Variants in TCF4 observed in about 807,000 individuals in gnomAD.
TCF4 encodes the protein SL3-3 enhancer factor 2.
TCF4 carries 3 observed loss-of-function variants against 82.1 expected under a neutral mutation model. That is an observed-to-expected ratio of 0.04 (90% CI 0.02 to 0.09). TCF4 has a LOEUF of 0.09. Ranked by LOEUF, TCF4 falls within the 10% of genes least tolerant of loss-of-function variation. The probability of loss-of-function intolerance (pLI) is 1.00; values close to 1 mark genes in which losing one functional copy is unlikely to be tolerated. For synonymous variants in TCF4, 276 were observed against 309.6 expected, an observed-to-expected ratio of 0.89 and a Z score of 1.14; for missense variants, 518 against 852.7, an observed-to-expected ratio of 0.61 and a Z score of 4.89.
At chr18:55,341,132 G>T (rs974711205) in intron 8 of TCF4, among the ~76,000 whole-genome samples, 1 of 152,154 alleles carries the variant, frequency 6.6e-6, no homozygotes, top group Non-Finnish European at 1.5e-5. Flanking sequence ...TGACAACCTT[G>T]CTGTAGAGAG....
At chr18:55,270,103 G>T in intron 10 of TCF4, 140 bp from the exon 11 acceptor site, 2 of 1,086,514 alleles carry the variant, frequency 1.8e-6, no homozygotes, top group Non-Finnish European at 2.7e-6. Flanking sequence ...AATATATCTT[G>T]TTTAGATCTG....
intron 6 of TCF4, among the ~76,000 whole-genome samples, chr18:55,360,609 C>T (rs1317188010): frequency 6.6e-6 from 1 of 152,098 alleles, no homozygotes; most frequent in Non-Finnish European, 1.5e-5. Context: ...CATTGTTACG[C>T]TAAATCAACC....
chr18:55,420,858 G>T (rs1381947489), intron 5 of TCF4, among the ~76,000 whole-genome samples: 1 of 149,952 alleles, frequency 6.7e-6, no homozygotes, highest in Non-Finnish European at 1.5e-5. Context: ...ATTCAGATTT[G>T]GGGGAAAAAA....
chr18:55,345,332 G>A (rs1265940760), intron 8 of TCF4, among the ~76,000 whole-genome samples: 1 of 149,864 alleles, frequency 6.7e-6, no homozygotes, highest in African/African-American at 2.4e-5. Context: ...CTAGAAGTCT[G>A]GTTTAGCAAA....
chr18:55,437,114 C>CG (rs1488329699), intron 5 of TCF4, among the ~76,000 whole-genome samples: 1 of 152,218 alleles, frequency 6.6e-6, no homozygotes, highest in African/African-American at 2.4e-5. Context: ...GTCTTAGCTA[C>CG]ACATTACAAA....
chr18:55,630,498 T>C (rs911884824), intron 2 of TCF4, among the ~76,000 whole-genome samples: 1 of 152,204 alleles, frequency 6.6e-6, no homozygotes, highest in South Asian at 2.1e-4. Context: ...GTCAGATGAA[T>C]TACAAGTGTC....
At chr18:55,317,749 T>A (rs10502998) in intron 8 of TCF4, among the ~76,000 whole-genome samples, 7,935 of 152,170 alleles carry the variant, frequency 0.052, 698 homozygotes, top group African/African-American at 0.18. Flanking sequence ...AGTTTCCCAA[T>A]TGAGAGATTC....
At chr18:55,334,855 T>C (rs1186615792) in intron 8 of TCF4, among the ~76,000 whole-genome samples, 1 of 152,218 alleles carries the variant, frequency 6.6e-6, no homozygotes, top group Non-Finnish European at 1.5e-5. Flanking sequence ...AAGATACCCA[T>C]TTAAATGGCT....
At chr18:55,507,957 C>T (rs188583053) in intron 3 of TCF4, among the ~76,000 whole-genome samples, 3 of 152,248 alleles carry the variant, frequency 2.0e-5, no homozygotes, top group Admixed American at 2.0e-4. Context: ...ATGACTACAA[C>T]CAGGAGGAGA....
intron 3 of TCF4, 75 bp downstream of exon 3, chr18:55,585,205 G>C: frequency 7.1e-7 from 1 of 1,413,332 alleles, no homozygotes; most frequent in Non-Finnish European, 1.0e-6. Flanking sequence ...CTCTTCAACA[G>C]AGCCAAAAAC....
chr18:55,572,076 T>C (rs2097477993), intron 3 of TCF4, among the ~76,000 whole-genome samples: 1 of 152,100 alleles, frequency 6.6e-6, no homozygotes, highest in Admixed American at 6.6e-5. Context: ...TCACCTGCAG[T>C]GGGCATGTGC....
chr18:55,585,917 ATT>A (rs1279199134), intron 2 of TCF4: 1 of 1,245,042 alleles, frequency 8.0e-7, no homozygotes, highest in Non-Finnish European at 1.0e-6. Context: ...TCCAGCATTT[ATT>A]TCGACCCTAA....
intron 6 of TCF4, among the ~76,000 whole-genome samples, chr18:55,354,635 C>T (rs2083056257): frequency 6.6e-6 from 1 of 152,158 alleles, no homozygotes; most frequent in Admixed American, 6.5e-5. Context: ...TTGCTCTGAA[C>T]TATTATTTCA....
intron 2 of TCF4, 94 bp from the exon 3 acceptor site, chr18:55,585,446 G>C: frequency 8.6e-7 from 1 of 1,158,272 alleles, no homozygotes; most frequent in East Asian, 2.4e-5. Context: ...AAACAGCTTA[G>C]AGTTTATGCT....
chr18:55,437,790 C>G (rs1445668234), intron 5 of TCF4, among the ~76,000 whole-genome samples: 1 of 152,188 alleles, frequency 6.6e-6, no homozygotes, highest in African/African-American at 2.4e-5. Context: ...AAAGTGCAAT[C>G]TTATTTCTCA....
At chr18:55,479,972 T>C (rs2096385959) in intron 3 of TCF4, among the ~76,000 whole-genome samples, 1 of 152,160 alleles carries the variant, frequency 6.6e-6, no homozygotes, top group African/African-American at 2.4e-5. Context: ...CCTTTCAGAC[T>C]TGTTTTCCCC....
At chr18:55,483,959 T>C (rs2096480652) in intron 3 of TCF4, among the ~76,000 whole-genome samples, 1 of 152,244 alleles carries the variant, frequency 6.6e-6, no homozygotes, top group Non-Finnish European at 1.5e-5. Flanking sequence ...CAAAGCACTT[T>C]CGTGCACAGT....
intron 3 of TCF4, among the ~76,000 whole-genome samples, chr18:55,555,215 A>G (rs183262201): frequency 6.6e-5 from 10 of 152,320 alleles, no homozygotes; most frequent in African/African-American, 2.4e-4. Context: ...TAGACACTCA[A>G]CTCACAAAAT....
intron 3 of TCF4, among the ~76,000 whole-genome samples, chr18:55,480,934 T>C (rs1318803300): frequency 6.6e-6 from 1 of 151,954 alleles, no homozygotes; most frequent in Non-Finnish European, 1.5e-5. Flanking sequence ...TAAAACTCTG[T>C]CTCTACTAAA....
Sources: allele counts gnomAD v4.1 joint callset (sites outside exome capture counted in the v4.1 genomes callset), GRCh38; gene constraint gnomAD v4.1.1; transcripts MANE v1.5; gene names NCBI Gene and HGNC (gene_info 2026-07-23, HGNC 2026-07-21).